GRAMD2B: variants seen among roughly 807,000 people sequenced by gnomAD.
GRAMD2B encodes GRAM domain-containing protein 2B.
A neutral mutation model predicts 59.2 loss-of-function variants in GRAMD2B; 41 were observed. The observed-to-expected ratio is 0.69, with a 90% CI of 0.54 to 0.90. GRAMD2B has a LOEUF of 0.90. GRAMD2B is among the 40% of genes least tolerant of loss of function. GRAMD2B has a pLI of 0.00. For synonymous variants in GRAMD2B, 161 were observed against 182.7 expected, an observed-to-expected ratio of 0.88 and a Z score of 0.96; for missense variants, 424 against 500.5, an observed-to-expected ratio of 0.85 and a Z score of 1.46.
chr5:126,466,418 G>A (rs1333536149), intron 2 of GRAMD2B: 8 of 712,964 alleles, frequency 1.1e-5, no homozygotes, highest in Non-Finnish European at 2.0e-5. Flanking sequence ...ATGCTGTTTT[G>A]TGGCATCTCA....
chr5:126,486,063 T>C (rs1291387512), intron 11 of GRAMD2B, among the ~76,000 whole-genome samples: 1 of 152,210 alleles, frequency 6.6e-6, no homozygotes, highest in Non-Finnish European at 1.5e-5. Flanking sequence ...TTTTTTTACC[T>C]TATTTTTTTA....
intron 1 of GRAMD2B, among the ~76,000 whole-genome samples, chr5:126,416,345 C>CA (rs1759263682): frequency 6.6e-6 from 1 of 151,200 alleles, no homozygotes; most frequent in Admixed American, 6.6e-5. Context: ...TTTCTTCCTG[C>CA]AAAGTGAAAA....
chr5:126,437,766 C>T (rs1762651498), intron 1 of GRAMD2B, among the ~76,000 whole-genome samples: 1 of 152,192 alleles, frequency 6.6e-6, no homozygotes, highest in Non-Finnish European at 1.5e-5. Flanking sequence ...CAACCAAGAG[C>T]AGCTACTAAA....
At chr5:126,396,342 C>T (rs1757361050) in intron 1 of GRAMD2B, among the ~76,000 whole-genome samples, 1 of 152,084 alleles carries the variant, frequency 6.6e-6, no homozygotes, top group South Asian at 2.1e-4. Flanking sequence ...TTCCATCTAC[C>T]AATAAGCCCC....
chr5:126,363,404 A>T (rs530149084), intron 1 of GRAMD2B, among the ~76,000 whole-genome samples: 1 of 152,222 alleles, frequency 6.6e-6, no homozygotes, highest in African/African-American at 2.4e-5. Flanking sequence ...TTGGAAAAAA[A>T]GTTTGTCAGT....
chr5:126,417,829 ATTC>A (rs1759389095), intron 1 of GRAMD2B, among the ~76,000 whole-genome samples: 1 of 152,164 alleles, frequency 6.6e-6, no homozygotes, highest in Non-Finnish European at 1.5e-5. Context: ...TGTTTGGCAC[ATTC>A]ACTCTCCTAC....
At chr5:126,459,635 TAAG>T (rs757217394) in intron 1 of GRAMD2B, among the ~76,000 whole-genome samples, 40 of 152,224 alleles carry the variant, frequency 2.6e-4, no homozygotes, top group Non-Finnish European at 4.9e-4. Flanking sequence ...GCTTTACTCT[TAAG>T]AAGAAAATGC....
At chr5:126,486,451 C>T (rs146578285) in intron 11 of GRAMD2B, among the ~76,000 whole-genome samples, 1 of 152,312 alleles carries the variant, frequency 6.6e-6, no homozygotes, top group Non-Finnish European at 1.5e-5. Context: ...TAGCCTGACC[C>T]AGTTCTAGGC....
At chr5:126,405,558 T>C (rs112368287) in intron 1 of GRAMD2B, among the ~76,000 whole-genome samples, 1,525 of 152,096 alleles carry the variant, frequency 0.01, 39 homozygotes, top group African/African-American at 0.035. Flanking sequence ...TTTCTTTTGC[T>C]TTAATTGCAT....
Position 126,438,015 on chromosome 5 carries a change from C to T in GRAMD2B, c.83+14326C>T, listed in dbSNP as rs190291289. On this transcript the variant is annotated intron_variant, in intron 1 of 13. Transcript: ENST00000285689. ...CTTCTTTGTCAATATGGCATCCTCA[C>T]GTCCCCATGTCTGCCTGTAATCTCC... Among the ~76,000 whole-genome samples, 35 of 152,280 alleles carry T rather than the reference C, an allele frequency of 2.3e-4. No homozygotes were observed. The East Asian group carries it at 3.1e-3, about 13-fold the overall frequency.
At chr5:126,360,453 T>G (rs1468672282) in exon 1 of GRAMD2B, 3 of 1,550,194 alleles carry the variant, frequency 1.9e-6, no homozygotes, top group South Asian at 2.4e-5. Context: ...GGTCCGGACC[T>G]GGAACTGTAA....
intron 1 of GRAMD2B, among the ~76,000 whole-genome samples, chr5:126,388,964 T>TA (rs372008864): frequency 1.9e-4 from 29 of 152,256 alleles, no homozygotes; most frequent in African/African-American, 6.5e-4. Context: ...CACTTGGCAA[T>TA]ATATGCATGT....
At chr5:126,423,755 C>T in intron 1 of GRAMD2B, 66 bp downstream of exon 1, 1 of 1,490,896 alleles carries the variant, frequency 6.7e-7, no homozygotes, top group South Asian at 1.3e-5. Context: ...TTCTCTGCCC[C>T]GGGACGCATT....
At chr5:126,413,675 A>T (rs1054229488) in intron 1 of GRAMD2B, among the ~76,000 whole-genome samples, 3 of 152,010 alleles carry the variant, frequency 2.0e-5, no homozygotes, top group East Asian at 3.9e-4. Context: ...TGCCTTGATG[A>T]TCTAAGGCTA....
chr5:126,422,478 C>A (rs1392564118), upstream of GRAMD2B, among the ~76,000 whole-genome samples: 1 of 152,210 alleles, frequency 6.6e-6, no homozygotes, highest in Admixed American at 6.5e-5. Flanking sequence ...GGATTACAGG[C>A]GTAAGCCACC....
intron 1 of GRAMD2B, among the ~76,000 whole-genome samples, chr5:126,452,165 G>A (rs1457294646): frequency 3.9e-5 from 6 of 152,194 alleles, no homozygotes; most frequent in Non-Finnish European, 8.8e-5. Context: ...TGGTTTTGGA[G>A]GCTGGAAGTT....
chr5:126,393,480 T>C (rs952804792), intron 1 of GRAMD2B, among the ~76,000 whole-genome samples: 3 of 152,160 alleles, frequency 2.0e-5, no homozygotes, highest in African/African-American at 4.8e-5. Context: ...GACAAAAATA[T>C]ATAGTAAATT....
chr5:126,468,515 T>G (rs564671828), intron 2 of GRAMD2B, among the ~76,000 whole-genome samples: 1 of 152,256 alleles, frequency 6.6e-6, no homozygotes, highest in African/African-American at 2.4e-5. Flanking sequence ...TGAGACAGAA[T>G]ATTGCTCTGT....
At chr5:126,444,950 T>A (rs189793048) in intron 1 of GRAMD2B, among the ~76,000 whole-genome samples, 46 of 152,326 alleles carry the variant, frequency 3.0e-4, no homozygotes, top group Admixed American at 9.8e-4. Flanking sequence ...ATACGGTGTT[T>A]GATTTTCTTT....
Sources: allele counts gnomAD v4.1 joint callset (sites outside exome capture counted in the v4.1 genomes callset), GRCh38; gene constraint gnomAD v4.1.1; transcripts MANE v1.5; gene names NCBI Gene and HGNC (gene_info 2026-07-23, HGNC 2026-07-21).